Variants in LSM5 observed in about 807,000 individuals in gnomAD.
The protein encoded by LSM5 is U6 snRNA-associated Sm-like protein LSm5.
A neutral mutation model predicts 13.8 loss-of-function variants in LSM5; 8 were observed. The ratio of observed to expected loss-of-function variants is 0.58; its 90% CI spans 0.34 to 1.04. The LOEUF is 1.04. Ranked by LOEUF, LSM5 falls within the 50% of genes least tolerant of loss-of-function variation. The probability of loss-of-function intolerance (pLI) is 0.03; values close to 1 mark genes in which losing one functional copy is unlikely to be tolerated. For missense variants in LSM5, 80 were observed against 108.1 expected (o/e 0.74, Z 1.15); for synonymous variants, 35 against 37.0 (o/e 0.95, Z 0.20).
At chr7:32,489,606 A>G (rs1285718651) in intron 1 of LSM5, 1 of 398,066 alleles carries the variant, frequency 2.5e-6, no homozygotes, top group Non-Finnish European at 4.5e-6. Context: ...ACCAACTACA[A>G]AAATATAAGA....
intron 1 of LSM5, chr7:32,490,080 A>C: frequency 3.3e-6 from 5 of 1,496,606 alleles, no homozygotes; most frequent in Non-Finnish European, 4.5e-6. Context: ...GCGTTCACTA[A>C]ATGTGGACCT....
chr7:32,490,379 G>C lies in LSM5; in HGVS notation c.-14C>G. The C allele has an allele frequency of 6.2e-7, 1 of 1,608,116 alleles. No homozygotes were observed. On this transcript the variant is annotated 5_prime_UTR_variant, in exon 1 of 5. Transcript: ENST00000450169. ...GTTAGCCGCCATGGCTACGCCGGAA[G>C]TGGCCTGCCTTCATTGATGGTGGGA...
chr7:32,488,528 C>A, intron 3 of LSM5, 97 bp downstream of exon 3: 1 of 831,050 alleles, frequency 1.2e-6, no homozygotes, highest in Non-Finnish European at 2.0e-6. Context: ...GTTATTCCAC[C>A]AAGAGGTAAT....
At chr7:32,490,518 C>A (rs1786560771), upstream of LSM5, 3 of 642,628 alleles carry the variant, frequency 4.7e-6, no homozygotes. Context: ...GCTTTTTTCC[C>A]CGGCAAGTGA....
rs56277210 is a variant in LSM5 at position 32,489,003 on chromosome 7, G to A, written c.142+246C>T. On this transcript the variant is annotated intron_variant, in intron 2 of 4. Coordinates refer to ENST00000450169, the MANE Select transcript of LSM5 (RefSeq NM_012322.3). ...CCCTCCCAAAGCGCTGGGATTATAG[G>A]CGTGAGCCACTGGGCTCGCCTGTTC... Among the ~76,000 whole-genome samples, 1,222 of 152,300 alleles carry A rather than the reference G, an allele frequency of 8.0e-3. 10 individuals are homozygous for A. The highest frequency in any genetic ancestry group is 0.025 in the African/African-American group (1,058 of 41,552).
upstream of LSM5, chr7:32,494,963 T>C (rs771580314): frequency 2.0e-5 from 3 of 152,090 alleles, no homozygotes; most frequent in Non-Finnish European, 2.9e-5. Flanking sequence ...AGCAAGTAAT[T>C]TAAAGGCTGA....
intron 1 of LSM5, 81 bp from the exon 2 acceptor site, chr7:32,489,425 T>A: frequency 1.3e-6 from 1 of 770,636 alleles, no homozygotes; most frequent in Non-Finnish European, 2.2e-6. Flanking sequence ...TACTTGCATA[T>A]AGTGAAAGAA....
chr7:32,491,258 G>A (rs1482567678), upstream of LSM5, among the ~76,000 whole-genome samples: 1 of 152,100 alleles, frequency 6.6e-6, no homozygotes, highest in Non-Finnish European at 1.5e-5. Context: ...TTAGCTGGGC[G>A]TGGTGGCGTG....
At position 32,488,649 on chromosome 7, in the gene LSM5, A is replaced by G. The variant is rs752024304; in HGVS notation, c.146T>C (p.Met49Thr). ...TLLGFDDFVNMVLEDVTEFEI... is the reference protein window; with the variant it reads ...TLLGFDDFVNTVLEDVTEFEI... ...CAACTCAGTGACATCTTCCAGTACC[A>G]TATCTGAAATTTGGTGTTAAGAAAA... The change falls in exon 3 of 5, where the codon ATG becomes ACG. Residue 49 changes from methionine (M) to threonine (T), a missense_variant. By Grantham distance (81) the Met-to-Thr change is moderately conservative. Coordinates refer to ENST00000450169, the MANE Select transcript of LSM5 (RefSeq NM_012322.3). 5 of 1,593,198 alleles carry G rather than the reference A, an allele frequency of 3.1e-6. No homozygotes were observed. In the Admixed American group the frequency reaches 6.7e-5, roughly 21 times the overall value.
intron 1 of LSM5, chr7:32,490,024 C>T (rs1202353642): frequency 2.9e-6 from 4 of 1,381,862 alleles, no homozygotes; most frequent in Non-Finnish European, 3.8e-6. Context: ...AGGCCTACTA[C>T]CTATAACACT....
Position 32,485,435 on chromosome 7 carries a change from A to C in LSM5, c.*1826T>G, listed in dbSNP as rs1008533330. On this transcript the variant is annotated 3_prime_UTR_variant, in exon 5 of 5. Coordinates refer to ENST00000450169, the MANE Select transcript of LSM5 (RefSeq NM_012322.3). ...CTAGGTCAACATGCAACTACATTAA[A>C]ATACATCATTTATGTCAAAAATAGC... 9 of 152,222 alleles carry C rather than the reference A, an allele frequency of 5.9e-5. No homozygotes were observed. Among genetic ancestry groups the C allele is most frequent in the African/African-American group, 2.2e-4 (9 of 41,444 alleles). The allele number at this position is 152,222 out of a possible 1,614,324, so 9.4% of individuals were successfully genotyped here.
At position 32,485,992 on chromosome 7, in the gene LSM5, C is replaced by T. The variant is rs966663984; in HGVS notation, c.*1269G>A. 2 of 151,112 alleles carry T rather than the reference C, an allele frequency of 1.3e-5. No homozygotes were observed. Among genetic ancestry groups the T allele is most frequent in the Non-Finnish European group, 1.5e-5 (1 of 67,842 alleles). 9.4% of individuals were successfully genotyped at this position (151,112 alleles called of 1,614,324 possible). The stretch of plus-strand genomic sequence containing the variant: ...AGGAAAAGAAAACTTTAGACATGCC[C>T]GGTTTTCTTGTAAAAATGGCAAAGA... On this transcript the variant is annotated 3_prime_UTR_variant, in exon 5 of 5. Coordinates refer to ENST00000450169, the MANE Select transcript of LSM5 (RefSeq NM_012322.3).
upstream of LSM5, among the ~76,000 whole-genome samples, chr7:32,492,662 G>C (rs1481628448): frequency 6.6e-6 from 1 of 152,250 alleles, no homozygotes; most frequent in Admixed American, 6.5e-5. Context: ...GGGGATTTCA[G>C]GGAGTGGTAT....
Position 32,485,674 on chromosome 7 carries a change from T to G in LSM5, c.*1587A>C, listed in dbSNP as rs1583460558. On this transcript the variant is annotated 3_prime_UTR_variant, in exon 5 of 5. Coordinates refer to ENST00000450169, the MANE Select transcript of LSM5 (RefSeq NM_012322.3). Reference sequence around the variant, plus strand: ...TGGCTCATGCCTTTAATACCGGCACTTTGGGAGGCTGAGGCAGGTGGATCA... The same window carrying G: ...TGGCTCATGCCTTTAATACCGGCACGTTGGGAGGCTGAGGCAGGTGGATCA... 1 of 152,292 alleles carries G rather than the reference T, an allele frequency of 6.6e-6. No homozygotes were observed. The highest frequency in any genetic ancestry group is 1.9e-4 in the East Asian group (1 of 5,182). The allele number at this position is 152,292 out of a possible 1,614,324, so 9.4% of individuals were successfully genotyped here.
upstream of LSM5, among the ~76,000 whole-genome samples, chr7:32,491,915 C>T (rs1338176300): frequency 7.0e-6 from 1 of 142,654 alleles, no homozygotes; most frequent in Non-Finnish European, 1.5e-5. Flanking sequence ...TTATTTTATA[C>T]ACTGTGCACA....
chr7:32,488,647 C>A lies in LSM5; in HGVS notation c.148G>T (p.Val50Leu), dbSNP rs1786502134. 6.3e-7 allele frequency: 1 copy of A among 1,593,984 alleles called. No individual in the cohort carries two copies. Among genetic ancestry groups the A allele is most frequent in the African/African-American group, 1.3e-5 (1 of 74,526 alleles). ...LLGFDDFVNM[V>L]LEDVTEFEIT... ...CACAACTCAGTGACATCTTCCAGTACCATATCTGAAATTTGGTGTTAAGAA... is the reference window on the plus strand; with the variant it reads ...CACAACTCAGTGACATCTTCCAGTAACATATCTGAAATTTGGTGTTAAGAA... The change falls in exon 3 of 5, where the codon GTA (valine) becomes TTA (leucine). Residue 50 changes from valine to leucine, a missense_variant. Val to Leu is a conservative substitution (Grantham distance 32). Transcript: ENST00000450169.
At position 32,487,246 on chromosome 7, in the gene LSM5, G is replaced by A. The variant is rs756595625; in HGVS notation, c.*15C>T. 8 of 1,612,196 alleles carry A rather than the reference G, an allele frequency of 5.0e-6. No individual in the cohort carries two copies. In the South Asian group the frequency reaches 5.5e-5, roughly 11 times the overall value. ...TAAGCCAAAACAAAATCTAGTGTAAGTCAAGGAAACTCATTCACACTTCAG... is the reference window on the plus strand; with the variant it reads ...TAAGCCAAAACAAAATCTAGTGTAAATCAAGGAAACTCATTCACACTTCAG... On this transcript the variant is annotated 3_prime_UTR_variant, in exon 5 of 5. Coordinates refer to ENST00000450169, the MANE Select transcript of LSM5 (RefSeq NM_012322.3).
chr7:32,487,093 A>G lies in LSM5; in HGVS notation c.*168T>C, dbSNP rs1342929542. On this transcript the variant is annotated 3_prime_UTR_variant, in exon 5 of 5. Coordinates refer to ENST00000450169, the MANE Select transcript of LSM5 (RefSeq NM_012322.3). ...GAAGAAGCTCTTTTCTTCTTTTTCC[A>G]GGATAATCATGATTAACTTACAAAA... 6.2e-6 allele frequency: 4 copies of G among 644,518 alleles called. No individual in the cohort carries two copies. The highest frequency in any genetic ancestry group is 1.1e-5 in the Non-Finnish European group (4 of 366,932). The allele number at this position is 644,518 out of a possible 1,614,324, so 39.9% of individuals were successfully genotyped here. A position where few individuals can be genotyped will look rare whatever the true frequency, so the allele number is the denominator to read the frequency against.
chr7:32,489,676 T>C, intron 1 of LSM5: 1 of 306,650 alleles, frequency 3.3e-6, no homozygotes, highest in Non-Finnish European at 6.2e-6. Context: ...CTTTCCCAAC[T>C]CTGTCTATCC....
Sources: gnomAD v4.1 joint callset for allele counts (sites outside exome capture counted in the v4.1 genomes callset) on GRCh38, gnomAD v4.1.1 for gene constraint, MANE v1.5 for transcripts, NCBI Gene and HGNC (gene_info 2026-07-23, HGNC 2026-07-21) for gene names.